Variants in BPIFA2 observed in about 807,000 individuals in gnomAD.
BPIFA2 encodes BPI fold-containing family A member 2.
In BPIFA2, 20 loss-of-function variants were observed where a neutral mutation model predicts 25.7. That is an observed-to-expected ratio of 0.78 (90% confidence interval 0.55 to 1.13). The LOEUF (loss-of-function observed/expected upper bound fraction) is 1.13, where lower values mean the gene tolerates loss of function less well. Among genes scored for constraint, BPIFA2 ranks in the 50% most tolerant of loss-of-function variants. BPIFA2 has a pLI of 0.00. For missense variants in BPIFA2, 300 were observed against 298.1 expected (o/e 1.01, Z -0.05); for synonymous variants, 126 against 124.3 (o/e 1.01, Z -0.09).
At chr20:33,170,614 G>A (rs903565787) in intron 2 of BPIFA2, among the ~76,000 whole-genome samples, 25 of 152,054 alleles carry the variant, frequency 1.6e-4, no homozygotes, top group Non-Finnish European at 1.0e-4. Flanking sequence ...GGCTGGTCTC[G>A]AACTCCCGGC....
At chr20:33,162,570 G>A (rs920180427) in intron 1 of BPIFA2, among the ~76,000 whole-genome samples, 3 of 152,150 alleles carry the variant, frequency 2.0e-5, no homozygotes, top group African/African-American at 7.2e-5. Flanking sequence ...TGATGTGCCC[G>A]ACACTGGGCT....
intron 4 of BPIFA2, 118 bp downstream of exon 4, chr20:33,174,304 C>T: frequency 2.3e-6 from 2 of 856,368 alleles, no homozygotes; most frequent in Non-Finnish European, 3.9e-6. Flanking sequence ...CTCAGTTTCC[C>T]AATCTGTGAG....
chr20:33,166,427 ATCT>A (rs1477106852), upstream of BPIFA2, among the ~76,000 whole-genome samples: 2 of 152,196 alleles, frequency 1.3e-5, no homozygotes, highest in Non-Finnish European at 2.9e-5. Flanking sequence ...ATTCATCAGC[ATCT>A]TCTTCGCCAT....
Position 33,174,174 on chromosome 20 carries a change from T to A in BPIFA2, c.398T>A (p.Val133Asp), listed in dbSNP as rs1187036823. ...CTGAGCTTCCCTGTCACCGCGAATG[T>A]CACTGTGGCCGGGTGAGTATGCACT... Reference protein sequence around the residue: ...LNLSFPVTANVTVAGPIIGQI... With the variant: ...LNLSFPVTANDTVAGPIIGQI... Residue 133 changes from valine (V) to aspartate (D), a missense_variant, in exon 4 of 9, where the codon GTC (valine) becomes GAC (aspartate). Coordinates refer to ENST00000354932, the MANE Select transcript of BPIFA2 (RefSeq NM_080574.4). 6.2e-7 allele frequency: 1 copy of A among 1,614,076 alleles called. No homozygotes were observed. Among genetic ancestry groups the A allele is most frequent in the Non-Finnish European group, 8.5e-7 (1 of 1,179,928 alleles).
chr20:33,178,177 T>A lies in BPIFA2; in HGVS notation c.594T>A (p.Asn198Lys). ...KHSQIINKFV[N>K]SVINTLKSTV... Reference sequence around the variant, plus strand: ...GCCAAATCATCAACAAGTTCGTGAATAGCGTGATCAACACGCTGAAAAGCA... The same window carrying A: ...GCCAAATCATCAACAAGTTCGTGAAAAGCGTGATCAACACGCTGAAAAGCA... The change falls in exon 6 of 9, where the codon AAT becomes AAA. Residue 198 changes from asparagine (N) to lysine (K), a missense_variant. Transcript: ENST00000354932. The A allele has an allele frequency of 1.2e-6, 2 of 1,607,620 alleles. No homozygotes were observed. Among genetic ancestry groups the A allele is most frequent in the Non-Finnish European group, 1.7e-6 (2 of 1,175,470 alleles).
At chr20:33,165,959 C>T (rs1417743266), upstream of BPIFA2, among the ~76,000 whole-genome samples, 3 of 152,022 alleles carry the variant, frequency 2.0e-5, no homozygotes, top group African/African-American at 7.2e-5. Context: ...CCACCAAGGA[C>T]CCTATATTAT....
chr20:33,167,472 C>A (rs967629844), upstream of BPIFA2, among the ~76,000 whole-genome samples: 1 of 152,198 alleles, frequency 6.6e-6, no homozygotes, highest in Non-Finnish European at 1.5e-5. Flanking sequence ...GGTTCCTGTC[C>A]TTGCAAGTAT....
chr20:33,165,129 T>C (rs1238568441), upstream of BPIFA2, among the ~76,000 whole-genome samples: 1 of 152,272 alleles, frequency 6.6e-6, no homozygotes, highest in African/African-American at 2.4e-5. Context: ...CTTCAGACTG[T>C]AACATTGTGA....
intron 5 of BPIFA2, 82 bp from the exon 6 acceptor site, chr20:33,178,064 TC>T: frequency 1.0e-6 from 1 of 987,076 alleles, no homozygotes; most frequent in Non-Finnish European, 1.5e-6. Flanking sequence ...CCACAGTATT[TC>T]CCGCACCGCC....
At chr20:33,173,979 C>A in intron 3 of BPIFA2, 100 bp from the exon 4 acceptor site, 1 of 905,314 alleles carries the variant, frequency 1.1e-6, no homozygotes, top group Non-Finnish European at 1.8e-6. Flanking sequence ...GAAGGCAAGG[C>A]TGACGAGACC....
At chr20:33,175,583 AGCTGG>A (rs1321131729) in intron 5 of BPIFA2, 24 bp downstream of exon 5, 4 of 1,610,328 alleles carry the variant, frequency 2.5e-6, no homozygotes, top group Non-Finnish European at 3.4e-6. Flanking sequence ...ATCTTAGTAG[AGCTGG>A]GCTCTCAGGG....
chr20:33,179,208 T>A (rs753841596), intron 6 of BPIFA2, among the ~76,000 whole-genome samples: 21 of 152,028 alleles, frequency 1.4e-4, no homozygotes, highest in Non-Finnish European at 2.6e-4. Context: ...GGTGGGCAGA[T>A]CACTTGAGGT....
chr20:33,174,598 G>T (rs1041239788), intron 4 of BPIFA2, among the ~76,000 whole-genome samples: 4 of 152,140 alleles, frequency 2.6e-5, no homozygotes, highest in African/African-American at 9.7e-5. Context: ...GTGTGTGTGT[G>T]CAAAATATAA....
At chr20:33,169,838 G>A (rs1483409935) in intron 2 of BPIFA2, among the ~76,000 whole-genome samples, 1 of 151,920 alleles carries the variant, frequency 6.6e-6, no homozygotes, top group Non-Finnish European at 1.5e-5. Flanking sequence ...ATTCTTTTAT[G>A]GACTTGTGTT....
At chr20:33,171,929 A>C (rs1020781832) in intron 2 of BPIFA2, among the ~76,000 whole-genome samples, 5 of 152,246 alleles carry the variant, frequency 3.3e-5, no homozygotes, top group Admixed American at 2.0e-4. Context: ...CTATAAAGAC[A>C]CATGTACACA....
At chr20:33,175,385 C>G in intron 4 of BPIFA2, 22 bp from the exon 5 acceptor site, 1 of 1,609,840 alleles carries the variant, frequency 6.2e-7, no homozygotes, top group Non-Finnish European at 8.5e-7. Flanking sequence ...ACTTTGTTCA[C>G]TGTGCATCTT....
upstream of BPIFA2, among the ~76,000 whole-genome samples, chr20:33,167,711 G>T (rs1485365802): frequency 1.3e-5 from 2 of 151,904 alleles, no homozygotes; most frequent in African/African-American, 4.8e-5. Context: ...CTCCTTGTGG[G>T]CCACAATTCT....
In BPIFA2 at chr20:33,163,132, C is replaced by T. The variant is rs746028049; in HGVS notation, c.-16+1234C>T. On this transcript the variant is annotated intron_variant, in intron 1 of 8. Transcript: ENST00000253362. ...CACACAGGACAGGACCCAGGTGAGA[C>T]GCTCTGTAAGTGTGTGACGAATGAA... Among the ~76,000 whole-genome samples the T allele has an allele frequency of 2.0e-4, 30 of 152,120 alleles. 1 individual carries two copies. Among genetic ancestry groups the T allele is most frequent in the Admixed American group, 1.0e-3 (16 of 15,272 alleles).
chr20:33,178,568 A>G (rs1210837718), intron 6 of BPIFA2, among the ~76,000 whole-genome samples: 1 of 152,204 alleles, frequency 6.6e-6, no homozygotes, highest in Non-Finnish European at 1.5e-5. Context: ...TATCCCTATC[A>G]TAAATAGAAA....
Sources: allele counts gnomAD v4.1 joint callset (sites outside exome capture counted in the v4.1 genomes callset), GRCh38; gene constraint gnomAD v4.1.1; transcripts MANE v1.5; gene names NCBI Gene and HGNC (gene_info 2026-07-23, HGNC 2026-07-21).